Variants in PRELID2 observed in about 807,000 individuals in gnomAD.
PRELID2 encodes PRELI domain-containing protein 2.
Under a neutral mutation model 28.4 loss-of-function variants are expected in PRELID2, and 25 were observed. The ratio of observed to expected loss-of-function variants is 0.88; its 90% CI spans 0.64 to 1.23. PRELID2 has a LOEUF of 1.23. PRELID2 is among the 50% of genes most tolerant of loss of function. The pLI is 0.00. For synonymous variants in PRELID2, 76 were observed against 71.6 expected (o/e 1.06, Z -0.31); for missense variants, 201 against 214.4 (o/e 0.94, Z 0.39).
intron 1 of PRELID2, among the ~76,000 whole-genome samples, chr5:145,746,268 C>T (rs952107974): frequency 6.6e-5 from 10 of 152,072 alleles, no homozygotes; most frequent in Admixed American, 2.0e-4. Flanking sequence ...ATTCAGGAGA[C>T]CAATCTCACA....
intron 1 of PRELID2, among the ~76,000 whole-genome samples, chr5:145,587,351 C>T (rs555964187): frequency 6.6e-6 from 1 of 152,252 alleles, no homozygotes; most frequent in South Asian, 2.1e-4. Context: ...AAGCAGTTTA[C>T]TTCTAGCCTT....
chr5:145,682,834 G>C (rs1392745950), intron 1 of PRELID2, among the ~76,000 whole-genome samples: 3 of 152,172 alleles, frequency 2.0e-5, no homozygotes, highest in African/African-American at 7.2e-5. Context: ...TATGCAAAGG[G>C]CTGGCTGGCT....
chr5:145,245,800 C>T, the PRELID2 span, among the ~76,000 whole-genome samples: 2 of 152,132 alleles, frequency 1.3e-5, no homozygotes, highest in South Asian at 4.1e-4. Context: ...CACATAATCT[C>T]TCTGAGCCTC....
chr5:145,467,739 A>G (rs183164394), downstream of PRELID2, among the ~76,000 whole-genome samples: 559 of 150,520 alleles, frequency 3.7e-3, 2 homozygotes, highest in Non-Finnish European at 6.7e-3. Flanking sequence ...TCTATTCTCA[A>G]TCATTCTACC....
chr5:145,431,457 C>T, the PRELID2 span, among the ~76,000 whole-genome samples: 6 of 152,180 alleles, frequency 3.9e-5, no homozygotes, highest in South Asian at 2.1e-4. Flanking sequence ...CAAATACTTA[C>T]GAATTTCAAA....
intron 1 of PRELID2, among the ~76,000 whole-genome samples, chr5:145,502,177 A>G (rs1380344603): frequency 6.6e-6 from 1 of 152,138 alleles, no homozygotes; most frequent in Non-Finnish European, 1.5e-5. Flanking sequence ...CAGGGAACAT[A>G]CAGTCACAGT....
chr5:145,604,898 T>C (rs1753478585), intron 1 of PRELID2, among the ~76,000 whole-genome samples: 1 of 143,506 alleles, frequency 7.0e-6, no homozygotes, highest in African/African-American at 2.6e-5. Flanking sequence ...TATATATATA[T>C]ATATATTCTA....
At chr5:145,426,560 A>G in the PRELID2 span, among the ~76,000 whole-genome samples, 1 of 152,234 alleles carries the variant, frequency 6.6e-6, no homozygotes, top group Non-Finnish European at 1.5e-5. Flanking sequence ...AAATAATAAC[A>G]ATAGTCAACA....
chr5:145,563,973 C>T (rs949572722), intron 1 of PRELID2, among the ~76,000 whole-genome samples: 1 of 152,200 alleles, frequency 6.6e-6, no homozygotes, highest in Non-Finnish European at 1.5e-5. Context: ...TATTAATTCA[C>T]CGACTGTCAA....
the PRELID2 span, among the ~76,000 whole-genome samples, chr5:145,434,099 T>G: frequency 1.3e-5 from 2 of 152,198 alleles, no homozygotes; most frequent in Non-Finnish European, 2.9e-5. Flanking sequence ...CCATGCTGCT[T>G]CTTTCCAAGT....
At chr5:145,278,265 C>A in the PRELID2 span, among the ~76,000 whole-genome samples, 1 of 152,134 alleles carries the variant, frequency 6.6e-6, no homozygotes, top group Non-Finnish European at 1.5e-5. Flanking sequence ...ATATTACCAC[C>A]AACTTAGCTG....
chr5:145,358,045 C>T, the PRELID2 span, among the ~76,000 whole-genome samples: 2 of 152,070 alleles, frequency 1.3e-5, no homozygotes, highest in African/African-American at 4.8e-5. Context: ...TTACTGTCTC[C>T]ATGCCTGCAT....
chr5:145,645,925 T>G (rs979105871), intron 1 of PRELID2, among the ~76,000 whole-genome samples: 11 of 152,236 alleles, frequency 7.2e-5, no homozygotes, highest in African/African-American at 2.4e-4. Context: ...GGGCTTCCCT[T>G]TGTGGGTAAC....
downstream of PRELID2, among the ~76,000 whole-genome samples, chr5:145,468,526 C>T (rs1425480860): frequency 6.6e-6 from 1 of 152,178 alleles, no homozygotes; most frequent in South Asian, 2.1e-4. Flanking sequence ...AATTTACAGT[C>T]CCACCTATAG....
chr5:145,789,242 C>A (rs2149806623), intron 5 of PRELID2, among the ~76,000 whole-genome samples: 1 of 152,222 alleles, frequency 6.6e-6, no homozygotes, highest in South Asian at 2.1e-4. Context: ...TCTCTCTTTT[C>A]AAAATACATT....
chr5:145,323,434 C>T, the PRELID2 span, among the ~76,000 whole-genome samples: 1 of 152,144 alleles, frequency 6.6e-6, no homozygotes, highest in African/African-American at 2.4e-5. Context: ...TTAAAGACGT[C>T]TCTGGCCACT....
chr5:145,784,260 GA>G (rs1317335254), intron 5 of PRELID2, among the ~76,000 whole-genome samples: 7 of 148,254 alleles, frequency 4.7e-5, no homozygotes, highest in Non-Finnish European at 7.5e-5. Context: ...GAAAAGAAAA[GA>G]AAAAAAATTC....
the PRELID2 span, among the ~76,000 whole-genome samples, chr5:145,260,992 T>C: frequency 3.9e-5 from 6 of 152,120 alleles, no homozygotes; most frequent in East Asian, 1.9e-4. Flanking sequence ...GGGAGTGAGA[T>C]GCCTTGTGGG....
At chr5:145,680,636 A>G (rs1754914493) in intron 1 of PRELID2, among the ~76,000 whole-genome samples, 2 of 152,204 alleles carry the variant, frequency 1.3e-5, no homozygotes, top group African/African-American at 4.8e-5. Flanking sequence ...AAGTCCATGT[A>G]ATTAAGAGAG....
Sources: allele counts gnomAD v4.1 joint callset (sites outside exome capture counted in the v4.1 genomes callset), GRCh38; gene constraint gnomAD v4.1.1; transcripts MANE v1.5; gene names NCBI Gene and HGNC (gene_info 2026-07-23, HGNC 2026-07-21).